Variants in GNPDA2 observed in about 807,000 individuals in gnomAD.
The protein encoded by GNPDA2 is glcN6P deaminase 2.
A neutral mutation model predicts 27.0 loss-of-function variants in GNPDA2; 24 were observed. The observed-to-expected ratio is 0.89, with a 90% CI of 0.64 to 1.25. The LOEUF (loss-of-function observed/expected upper bound fraction) is 1.25, where lower values mean the gene tolerates loss of function less well. Among genes scored for constraint, GNPDA2 ranks in the 50% most tolerant of loss-of-function variants. The pLI is 0.00. For missense variants in GNPDA2, 286 were observed against 335.1 expected (o/e 0.85, Z 1.14); for synonymous variants, 94 against 108.4 (o/e 0.87, Z 0.83).
chr4:44,707,950 G>A (rs761700396), intron 5 of GNPDA2, 24 bp from the exon 6 acceptor site: 33 of 1,498,540 alleles, frequency 2.2e-5, no homozygotes, highest in Middle Eastern at 1.8e-4. Context: ...AACATCAATT[G>A]TTAAAACTTG....
intron 1 of GNPDA2, among the ~76,000 whole-genome samples, chr4:44,725,743 C>G (rs1105272): frequency 0.53 from 79,986 of 151,206 alleles, 22,464 homozygotes; most frequent in Non-Finnish European, 0.64. Context: ...AAACTATTGT[C>G]GCCTTATGCA....
intron 2 of GNPDA2, among the ~76,000 whole-genome samples, chr4:44,721,681 G>T (rs1717677940): frequency 6.6e-6 from 1 of 151,836 alleles, no homozygotes; most frequent in Admixed American, 6.6e-5. Flanking sequence ...TATAAGGCAG[G>T]TGAAGTTAAA....
At chr4:44,709,260 A>G (rs763698717) in intron 5 of GNPDA2, among the ~76,000 whole-genome samples, 95 of 151,600 alleles carry the variant, frequency 6.3e-4, no homozygotes, top group Non-Finnish European at 1.2e-3. Context: ...GCTGGAAGGG[A>G]AGCTTAGTAT....
At position 44,702,286 on chromosome 4, in the gene GNPDA2, G is replaced by C. The variant is rs1277711087; in HGVS notation, c.*795C>G. On this transcript the variant is annotated 3_prime_UTR_variant, in exon 7 of 7. Coordinates refer to ENST00000295448, the MANE Select transcript of GNPDA2 (RefSeq NM_138335.3). ...ATTATTCTTTTAGACATTTTATAAG[G>C]AATAAAGCTAATTGTATATTAAGTT... 3.1e-6 allele frequency: 2 copies of C among 635,852 alleles called. No homozygotes were observed. The highest frequency in any genetic ancestry group is 4.0e-5 in the African/African-American group (2 of 50,284). The allele number at this position is 635,852 out of a possible 1,614,324, so 39.4% of individuals were successfully genotyped here.
intron 4 of GNPDA2, among the ~76,000 whole-genome samples, chr4:44,716,675 A>C (rs1026424032): frequency 3.9e-5 from 6 of 151,942 alleles, no homozygotes; most frequent in Non-Finnish European, 7.4e-5. Context: ...AAGATGAAAC[A>C]ATTAAAGTAA....
Position 44,718,310 on chromosome 4 carries a change from T to A in GNPDA2, c.225A>T (p.Val75=), listed in dbSNP as rs755303283. ...YVKTFNMDEY[V]GLPRNHPESY... Reference sequence around the variant, plus strand: ...TCAATATATTTAAGTATAGCTTACCTACATATTCATCCATATTAAAGGTCT... The same window carrying A: ...TCAATATATTTAAGTATAGCTTACCAACATATTCATCCATATTAAAGGTCT... Residue 75 remains valine, a splice_region_variant and synonymous_variant, in exon 3 of 7, where the codon GTA becomes GTT. Coordinates refer to ENST00000295448, the MANE Select transcript of GNPDA2 (RefSeq NM_138335.3). The A allele has an allele frequency of 8.7e-7, 1 of 1,142,974 alleles. No homozygotes were observed. Among genetic ancestry groups the A allele is most frequent in the South Asian group, 1.5e-5 (1 of 68,314 alleles). The allele number at this position is 1,142,974 out of a possible 1,614,324, so 70.8% of individuals were successfully genotyped here. A position where few individuals can be genotyped will look rare whatever the true frequency, so the allele number is the denominator to read the frequency against.
At chr4:44,714,700 T>C (rs545641688) in intron 4 of GNPDA2, 2 of 981,238 alleles carry the variant, frequency 2.0e-6, no homozygotes, top group Admixed American at 6.2e-5. Flanking sequence ...CAGATGCCAA[T>C]CCTCATCTAA....
chr4:44,718,172 C>T, intron 3 of GNPDA2, 137 bp downstream of exon 3: 3 of 404,674 alleles, frequency 7.4e-6, no homozygotes, highest in Middle Eastern at 6.7e-4. Flanking sequence ...GAAAGCAGTA[C>T]ATTTTAGAAA....
At chr4:44,703,759 T>C (rs1716418985) in intron 6 of GNPDA2, 1 of 984,824 alleles carries the variant, frequency 1.0e-6, no homozygotes, top group Non-Finnish European at 1.2e-6. Context: ...TTGTAATTGG[T>C]ACATATACTT....
At position 44,702,198 on chromosome 4, in the gene GNPDA2, A is replaced by T. The variant is rs972371549; in HGVS notation, c.*883T>A. On this transcript the variant is annotated 3_prime_UTR_variant, in exon 7 of 7. Transcript: ENST00000295448. The stretch of plus-strand genomic sequence containing the variant: ...ATTTGAGTTAAAGATAAAAAACAAT[A>T]TACTTTTATGTAAATTGCTATGGCA... 7 of 801,748 alleles carry T rather than the reference A, an allele frequency of 8.7e-6. No individual in the cohort carries two copies. In the East Asian group the frequency reaches 6.2e-4, roughly 71 times the overall value. The allele number at this position is 801,748 out of a possible 1,614,324, so 49.7% of individuals were successfully genotyped here.
chr4:44,706,859 G>C (rs1278059339), intron 6 of GNPDA2: 1 of 151,936 alleles, frequency 6.6e-6, no homozygotes, highest in African/African-American at 2.4e-5. Context: ...CTAGTTACTA[G>C]AGTAAAAAAG....
At chr4:44,724,132 T>C (rs547816289) in intron 1 of GNPDA2, among the ~76,000 whole-genome samples, 4 of 152,176 alleles carry the variant, frequency 2.6e-5, no homozygotes, top group Non-Finnish European at 5.9e-5. Context: ...AAGTTTGCGT[T>C]AATTGGTTAA....
intron 4 of GNPDA2, among the ~76,000 whole-genome samples, chr4:44,712,420 C>T (rs1242190265): frequency 6.6e-6 from 1 of 152,018 alleles, no homozygotes. Flanking sequence ...GAAGCAAGTA[C>T]AGAATGCCAA....
At chr4:44,712,413 G>A (rs1437690196) in intron 4 of GNPDA2, among the ~76,000 whole-genome samples, 5 of 152,038 alleles carry the variant, frequency 3.3e-5, no homozygotes, top group African/African-American at 7.2e-5. Flanking sequence ...CTCTATTGAA[G>A]CAAGTACAGA....
In GNPDA2 at chr4:44,702,607, G is replaced by A; in HGVS notation, c.*474C>T. 1 of 1,000,762 alleles carries A rather than the reference G, an allele frequency of 1.0e-6. No individual in the cohort carries two copies. Among genetic ancestry groups the A allele is most frequent in the African/African-American group, 1.7e-5 (1 of 57,402 alleles). 62.0% of individuals were successfully genotyped at this position (1,000,762 alleles called of 1,614,324 possible). ...GATGGTGCTGTAGGAAGATGACTAA[G>A]GCAACCACGTGCAGAAAAGCATGTG... is the stretch of plus-strand genomic sequence containing the variant. On this transcript the variant is annotated 3_prime_UTR_variant, in exon 7 of 7. Coordinates refer to ENST00000295448, the MANE Select transcript of GNPDA2 (RefSeq NM_138335.3).
In GNPDA2 at chr4:44,710,828, C is replaced by G. The variant is rs536553686; in HGVS notation, c.594+125G>C. 1.2e-5 allele frequency: 10 copies of G among 823,546 alleles called. No homozygotes were observed. The African/African-American group carries it at 1.4e-4, about 12-fold the overall frequency. 51.0% of individuals were successfully genotyped at this position (823,546 alleles called of 1,614,324 possible). On this transcript the variant is annotated intron_variant, in intron 5 of 6. Transcript: ENST00000295448. ...ACTGACAAAAGTTGGTTACTGAAAA[C>G]TAGAAAACAATTTATACTGCAAATA...
chr4:44,717,163 G>C lies in GNPDA2; in HGVS notation c.359C>G (p.Ala120Gly), dbSNP rs1378476580. 6.2e-7 allele frequency: 1 copy of C among 1,609,388 alleles called. No individual in the cohort carries two copies. The highest frequency in any genetic ancestry group is 1.3e-5 in the African/African-American group (1 of 74,668). The change falls in exon 4 of 7, where the codon GCT becomes GGT. Residue 120 changes from alanine to glycine, a missense_variant. Physicochemically the swap from Ala to Gly is moderately conservative, Grantham distance 60 (BLOSUM62 0). Transcript: ENST00000295448. ...NAADLQAECD[A>G]FENKIKEAGG... The stretch of plus-strand genomic sequence containing the variant: ...AGCTTCTTTTATTTTGTTTTCAAAA[G>C]CATCACATTCTGCTTGTAAATCTGC...
At chr4:44,703,650 G>GGGA in intron 6 of GNPDA2, 1 of 983,874 alleles carries the variant, frequency 1.0e-6, no homozygotes, top group South Asian at 4.7e-5. Flanking sequence ...TCTACACTGA[G>GGGA]GGAGGGTTAC....
chr4:44,711,808 A>AGT (rs1716997243), intron 4 of GNPDA2, among the ~76,000 whole-genome samples: 2 of 65,784 alleles, frequency 3.0e-5, no homozygotes, highest in Admixed American at 1.3e-4. Context: ...ATTGCAATCT[A>AGT]GTATATATAT....
Sources: allele counts gnomAD v4.1 joint callset (sites outside exome capture counted in the v4.1 genomes callset), GRCh38; gene constraint gnomAD v4.1.1; transcripts MANE v1.5; gene names NCBI Gene and HGNC (gene_info 2026-07-23, HGNC 2026-07-21).